Variants in PDE4D observed in about 807,000 individuals in gnomAD.
PDE4D encodes phosphodiesterase 4D.
A neutral mutation model predicts 87.4 loss-of-function variants in PDE4D; 24 were observed. The ratio of observed to expected loss-of-function variants is 0.27; its 90% CI spans 0.20 to 0.39. The LOEUF is 0.39. Among genes scored for constraint, PDE4D ranks in the 10% least tolerant of loss-of-function variants. The pLI is 1.00. For synonymous variants in PDE4D, 384 were observed against 383.2 expected (o/e 1.00, Z -0.02); for missense variants, 714 against 1,041.0 (o/e 0.69, Z 4.32).
chr5:59,577,153 T>A (rs1045440704), intron 1 of PDE4D, among the ~76,000 whole-genome samples: 1 of 152,156 alleles, frequency 6.6e-6, no homozygotes, highest in Non-Finnish European at 1.5e-5. Context: ...GAGACCTTTA[T>A]CAAGAGAAGA....
intron 1 of PDE4D, among the ~76,000 whole-genome samples, chr5:59,813,778 A>T (rs894174408): frequency 6.6e-6 from 1 of 152,152 alleles, no homozygotes; most frequent in Non-Finnish European, 1.5e-5. Context: ...TTGGCACATC[A>T]CTGTCTGGGC....
intron 1 of PDE4D, among the ~76,000 whole-genome samples, chr5:59,540,798 T>C (rs1214848530): frequency 6.6e-6 from 1 of 152,216 alleles, no homozygotes; most frequent in Non-Finnish European, 1.5e-5. Context: ...TCATCAAATC[T>C]AACAAACTGG....
intron 5 of PDE4D, among the ~76,000 whole-genome samples, chr5:59,087,966 C>T (rs28735903): frequency 6.6e-6 from 1 of 152,220 alleles, no homozygotes; most frequent in East Asian, 1.9e-4. Context: ...ATGTCATTGT[C>T]CTTTCTGTTT....
chr5:59,492,541 C>T (rs1806405646), intron 1 of PDE4D, among the ~76,000 whole-genome samples: 1 of 152,088 alleles, frequency 6.6e-6, no homozygotes, highest in South Asian at 2.1e-4. Context: ...AAACAGGAGG[C>T]CCAGTGAGAT....
At chr5:59,118,431 T>C (rs1773965722) in intron 5 of PDE4D, among the ~76,000 whole-genome samples, 1 of 152,214 alleles carries the variant, frequency 6.6e-6, no homozygotes, top group Non-Finnish European at 1.5e-5. Context: ...CCCCAGCATA[T>C]AGAAGGTACT....
At chr5:60,114,279 G>A (rs1426880876) in intron 2 of PDE4D, among the ~76,000 whole-genome samples, 1 of 152,016 alleles carries the variant, frequency 6.6e-6, no homozygotes, top group African/African-American at 2.4e-5. Context: ...AAGTGAAGTG[G>A]TAGGGCAATC....
At chr5:60,455,811 A>T (rs1746425311) in intron 1 of PDE4D, among the ~76,000 whole-genome samples, 1 of 152,186 alleles carries the variant, frequency 6.6e-6, no homozygotes, top group Admixed American at 6.6e-5. Flanking sequence ...CCAGGAGGCC[A>T]TTCAAGGACC....
intron 1 of PDE4D, among the ~76,000 whole-genome samples, chr5:59,498,911 T>C (rs1182013138): frequency 6.6e-6 from 1 of 152,056 alleles, no homozygotes; most frequent in African/African-American, 2.4e-5. Context: ...ATTTGATAGT[T>C]GGCCAATTGG....
chr5:59,807,317 C>T (rs138244355), intron 1 of PDE4D, among the ~76,000 whole-genome samples: 105 of 152,284 alleles, frequency 6.9e-4, no homozygotes, highest in African/African-American at 2.4e-3. Flanking sequence ...ACTTTTAGAC[C>T]GTGACCTGGG....
intron 1 of PDE4D, among the ~76,000 whole-genome samples, chr5:59,566,690 A>G (rs540950930): frequency 2.6e-5 from 4 of 152,112 alleles, no homozygotes; most frequent in Non-Finnish European, 4.4e-5. Flanking sequence ...GCATCTACGA[A>G]TGAGTGATGA....
chr5:59,052,183 G>A (rs1301110015), intron 5 of PDE4D, among the ~76,000 whole-genome samples: 6 of 152,270 alleles, frequency 3.9e-5, no homozygotes, highest in South Asian at 2.1e-4. Context: ...ACTGTAGTTC[G>A]AGCAGGGAGA....
chr5:60,477,480 A>G (rs536072319), intron 1 of PDE4D, among the ~76,000 whole-genome samples: 2 of 152,258 alleles, frequency 1.3e-5, no homozygotes, highest in East Asian at 3.9e-4. Flanking sequence ...GTTTGGTTTG[A>G]TTTTACACAG....
intron 1 of PDE4D, among the ~76,000 whole-genome samples, chr5:59,747,873 A>G: frequency 6.6e-6 from 1 of 152,126 alleles, no homozygotes; most frequent in Non-Finnish European, 1.5e-5. Context: ...TGCTCCTGCA[A>G]TTGTCCCCAG....
intron 2 of PDE4D, among the ~76,000 whole-genome samples, chr5:60,183,953 A>C (rs896308839): frequency 6.6e-6 from 1 of 152,192 alleles, no homozygotes; most frequent in Non-Finnish European, 1.5e-5. Flanking sequence ...TCTTTATGCC[A>C]GTGGATTCTC....
At position 59,952,660 on chromosome 5, in the gene PDE4D, A is replaced by G. The variant is rs192166890; in HGVS notation, c.272+35828T>C. Among the ~76,000 whole-genome samples, 4 of 152,344 alleles carry G rather than the reference A, an allele frequency of 2.6e-5. No homozygotes were observed. The East Asian group carries it at 7.7e-4, about 29-fold the overall frequency. ...GTTTCCAAGCCAAAGCATAAAAAGG[A>G]CACAGATTCTAACAGGTTCTTACTC... On this transcript the variant is annotated intron_variant, in intron 3 of 16. Transcript: ENST00000502484.
intron 1 of PDE4D, among the ~76,000 whole-genome samples, chr5:60,407,000 G>A (rs1228251011): frequency 6.6e-6 from 1 of 152,154 alleles, no homozygotes; most frequent in African/African-American, 2.4e-5. Context: ...AAATGTGACT[G>A]AAATTGGAAA....
At chr5:59,130,634 A>G (rs1191919567) in intron 5 of PDE4D, among the ~76,000 whole-genome samples, 1 of 152,198 alleles carries the variant, frequency 6.6e-6, no homozygotes, top group African/African-American at 2.4e-5. Context: ...TAGATTGCAT[A>G]TGATTCAGGG....
chr5:59,496,377 T>C (rs1423568165), intron 1 of PDE4D, among the ~76,000 whole-genome samples: 1 of 152,020 alleles, frequency 6.6e-6, no homozygotes, highest in East Asian at 1.9e-4. Context: ...AATGCAACAT[T>C]TGGGCCCAAA....
intron 1 of PDE4D, among the ~76,000 whole-genome samples, chr5:59,829,406 A>G (rs1367319295): frequency 6.6e-6 from 1 of 152,042 alleles, no homozygotes; most frequent in African/African-American, 2.4e-5. Flanking sequence ...AATTATGTGA[A>G]TTACTTCCTT....
Sources: allele counts gnomAD v4.1 joint callset (sites outside exome capture counted in the v4.1 genomes callset), GRCh38; gene constraint gnomAD v4.1.1; transcripts MANE v1.5; gene names NCBI Gene and HGNC (gene_info 2026-07-23, HGNC 2026-07-21).